SLC35E3: variants seen among roughly 807,000 people sequenced by gnomAD.
SLC35E3 encodes the protein solute carrier family 35 member E3.
A neutral mutation model predicts 30.8 loss-of-function variants in SLC35E3; 28 were observed. The ratio of observed to expected loss-of-function variants is 0.91; its 90% CI spans 0.67 to 1.25. The LOEUF is 1.25. Ranked by LOEUF, SLC35E3 falls within the 50% of genes most tolerant of loss-of-function variation. The pLI is 0.00. For missense variants in SLC35E3, 365 were observed against 375.4 expected, an observed-to-expected ratio of 0.97 and a Z score of 0.23; for synonymous variants, 146 against 149.2, an observed-to-expected ratio of 0.98 and a Z score of 0.16.
At position 68,766,100 on chromosome 12, in the gene SLC35E3, A is replaced by G. The variant is rs1030892760; in HGVS notation, c.*1210A>G. The G allele has an allele frequency of 1.3e-5, 2 of 152,138 alleles. No homozygotes were observed. The highest frequency in any genetic ancestry group is 2.4e-5 in the African/African-American group (1 of 41,426). 9.4% of individuals were successfully genotyped at this position (152,138 alleles called of 1,614,324 possible). On this transcript the variant is annotated 3_prime_UTR_variant, in exon 5 of 5. Transcript: ENST00000398004. The stretch of plus-strand genomic sequence containing the variant: ...TCTAAAAGTATGATTTTTTTCTAGT[A>G]GAAAATTGATGTAAGAAATCATACA...
At chr12:68,756,253 G>A (rs1314947886) in intron 3 of SLC35E3, among the ~76,000 whole-genome samples, 3 of 144,010 alleles carry the variant, frequency 2.1e-5, no homozygotes, top group Non-Finnish European at 3.0e-5. Flanking sequence ...GATTTTTTTC[G>A]TAGCCTTCTA....
chr12:68,755,365 T>C (rs1188530932), intron 3 of SLC35E3, among the ~76,000 whole-genome samples: 1 of 152,184 alleles, frequency 6.6e-6, no homozygotes, highest in Non-Finnish European at 1.5e-5. Context: ...ATCTTTTTTG[T>C]TGGTCGCATC....
intron 3 of SLC35E3, among the ~76,000 whole-genome samples, chr12:68,753,809 TAC>T (rs1229325376): frequency 3.4e-5 from 5 of 148,588 alleles, no homozygotes; most frequent in Admixed American, 2.0e-4. Context: ...TATATATCCA[TAC>T]ACACACACAC....
rs1440136827 is a variant in SLC35E3, at chr12:68,781,332, C to T, written c.*16442C>T. 1.3e-5 allele frequency: 2 copies of T among 152,180 alleles called. No homozygotes were observed. The highest frequency in any genetic ancestry group is 2.9e-5 in the Non-Finnish European group (2 of 68,036). The allele number at this position is 152,180 out of a possible 1,614,324, so 9.4% of individuals were successfully genotyped here. Reference sequence around the variant, plus strand: ...TCTCAAAAAGGGAAAAAACAAGATCCTTTGTTTGTATAAGTACAATCAGTT... The same window carrying T: ...TCTCAAAAAGGGAAAAAACAAGATCTTTTGTTTGTATAAGTACAATCAGTT... On this transcript the variant is annotated 3_prime_UTR_variant, in exon 5 of 5. Transcript: ENST00000398004.
Position 68,746,344 on chromosome 12 carries a change from T to A in SLC35E3, c.-34T>A. On this transcript the variant is annotated 5_prime_UTR_variant, in exon 1 of 5. Coordinates refer to ENST00000398004, the MANE Select transcript of SLC35E3 (RefSeq NM_018656.5). ...AGCCGGAGACAGGCCCGGCGCCCCT[T>A]CCGAGGCTAGACGGCCCCAGCTTCG... 3 of 1,531,478 alleles carry A rather than the reference T, an allele frequency of 2.0e-6. No individual in the cohort carries two copies. Among genetic ancestry groups the A allele is most frequent in the Non-Finnish European group, 2.6e-6 (3 of 1,142,564 alleles). 94.9% of individuals were successfully genotyped at this position (1,531,478 alleles called of 1,614,324 possible).
At chr12:68,747,382 G>A (rs1878630339) in intron 1 of SLC35E3, among the ~76,000 whole-genome samples, 1 of 151,446 alleles carries the variant, frequency 6.6e-6, no homozygotes, top group African/African-American at 2.4e-5. Context: ...CGATTCTCCT[G>A]CCTCAGCCTC....
At position 68,746,465 on chromosome 12, in the gene SLC35E3, T is replaced by A. The variant is rs150135844; in HGVS notation, c.88T>A (p.Phe30Ile). 1 of 1,614,212 alleles carries A rather than the reference T, an allele frequency of 6.2e-7. No individual in the cohort carries two copies. The highest frequency in any genetic ancestry group is 1.3e-5 in the African/African-American group (1 of 75,058). The stretch of plus-strand genomic sequence containing the variant: ...CCTGCTGGTGTCCATCTGCATTGTG[T>A]TCCTCAACAAATGGATTTATGTGTA... Reference protein sequence around the residue: ...FNLLVSICIVFLNKWIYVYHG... With the variant: ...FNLLVSICIVILNKWIYVYHG... Residue 30 changes from phenylalanine to isoleucine, a missense_variant, in exon 1 of 5, where the codon TTC (phenylalanine) becomes ATC (isoleucine). Transcript: ENST00000398004.
chr12:68,747,195 G>A (rs569905753), intron 1 of SLC35E3, among the ~76,000 whole-genome samples: 10 of 152,112 alleles, frequency 6.6e-5, no homozygotes, highest in Non-Finnish European at 1.3e-4. Flanking sequence ...ATACTTTAGA[G>A]CTGTCTGCAT....
At position 68,776,686 on chromosome 12, in the gene SLC35E3, A is replaced by G. The variant is rs1879754513; in HGVS notation, c.*11796A>G. ...GGATGACAGAATGAAACTGTGTCTCAAAAAGAAAAAAAAAAACAAAAACTA... is the reference window on the plus strand; with the variant it reads ...GGATGACAGAATGAAACTGTGTCTCGAAAAGAAAAAAAAAAACAAAAACTA... On this transcript the variant is annotated 3_prime_UTR_variant, in exon 5 of 5. Coordinates refer to ENST00000398004, the MANE Select transcript of SLC35E3 (RefSeq NM_018656.5). The G allele has an allele frequency of 7.5e-6, 1 of 134,130 alleles. No individual in the cohort carries two copies. The highest frequency in any genetic ancestry group is 8.8e-5 in the Admixed American group (1 of 11,422). 8.3% of individuals were successfully genotyped at this position (134,130 alleles called of 1,614,324 possible).
intron 4 of SLC35E3, among the ~76,000 whole-genome samples, chr12:68,763,839 G>A (rs1195009286): frequency 6.6e-6 from 1 of 152,192 alleles, no homozygotes; most frequent in South Asian, 2.1e-4. Context: ...ACCCATTCAT[G>A]TTTGGACTCC....
At chr12:68,750,069 G>T (rs759776761) in intron 2 of SLC35E3, among the ~76,000 whole-genome samples, 3 of 152,130 alleles carry the variant, frequency 2.0e-5, no homozygotes, top group Admixed American at 6.5e-5. Context: ...GGGCTAGGGC[G>T]GTGGGAATGG....
At chr12:68,752,500 A>G (rs1485944560) in intron 3 of SLC35E3, among the ~76,000 whole-genome samples, 2 of 152,218 alleles carry the variant, frequency 1.3e-5, no homozygotes, top group African/African-American at 4.8e-5. Flanking sequence ...GGACATTTAG[A>G]TTAAGTTAAA....
Position 68,748,051 on chromosome 12 carries a change from T to C in SLC35E3, c.513+11T>C, listed in dbSNP as rs748788234. Reference sequence around the variant, plus strand: ...TCCCTTTATCAAGTGGTTGGTAATTTTTTTTTCTTTATGTGCCTTTTTAGC... The same window carrying C: ...TCCCTTTATCAAGTGGTTGGTAATTCTTTTTTCTTTATGTGCCTTTTTAGC... On this transcript the variant is annotated intron_variant, in intron 2 of 4. Coordinates refer to ENST00000398004, the MANE Select transcript of SLC35E3 (RefSeq NM_018656.5). 95 of 1,504,140 alleles carry C rather than the reference T, an allele frequency of 6.3e-5. No homozygotes were observed. Among genetic ancestry groups the C allele is most frequent in the Non-Finnish European group, 8.5e-5 (93 of 1,087,952 alleles). 93.2% of individuals were successfully genotyped at this position (1,504,140 alleles called of 1,614,324 possible).
chr12:68,751,431 G>T lies in SLC35E3; in HGVS notation c.514-601G>T, dbSNP rs141215930. On this transcript the variant is annotated intron_variant, in intron 2 of 4. Coordinates refer to ENST00000398004, the MANE Select transcript of SLC35E3 (RefSeq NM_018656.5). Reference sequence around the variant, plus strand: ...TCCTGCTCAGCGTCCCGAGTAGCTGGGACCACAGGCGCCCGCCACCACGCC... The same window carrying T: ...TCCTGCTCAGCGTCCCGAGTAGCTGTGACCACAGGCGCCCGCCACCACGCC... Among the ~76,000 whole-genome samples, 1,122 of 152,032 alleles carry T rather than the reference G, an allele frequency of 7.4e-3. 5 individuals are homozygous for T. The highest frequency in any genetic ancestry group is 0.011 in the Non-Finnish European group (724 of 67,974).
At position 68,777,094 on chromosome 12, in the gene SLC35E3, C is replaced by G. The variant is rs1879766380; in HGVS notation, c.*12204C>G. The G allele has an allele frequency of 6.6e-6, 1 of 152,196 alleles. No homozygotes were observed. Among genetic ancestry groups the G allele is most frequent in the Non-Finnish European group, 1.5e-5 (1 of 68,054 alleles). 9.4% of individuals were successfully genotyped at this position (152,196 alleles called of 1,614,324 possible). A position where few individuals can be genotyped will look rare whatever the true frequency, so the allele number is the denominator to read the frequency against. On this transcript the variant is annotated 3_prime_UTR_variant, in exon 5 of 5. Coordinates refer to ENST00000398004, the MANE Select transcript of SLC35E3 (RefSeq NM_018656.5). ...ATGCTTAAGTCTTGGAACTGGCCAT[C>G]AGTGTGAAAGTTCAACAGGTATTCA...
intron 1 of SLC35E3, 69 bp downstream of exon 1, chr12:68,746,848 G>A: frequency 7.0e-7 from 1 of 1,437,380 alleles, no homozygotes; most frequent in Non-Finnish European, 9.4e-7. Context: ...CGGGAAATTC[G>A]AACGCACACT....
At chr12:68,746,815 C>A in intron 1 of SLC35E3, 36 bp downstream of exon 1, 3 of 1,533,172 alleles carry the variant, frequency 2.0e-6, no homozygotes, top group South Asian at 1.3e-5. Flanking sequence ...GCCGCTCTCC[C>A]GACCCACCTC....
In SLC35E3 at chr12:68,746,351, C is replaced by A; in HGVS notation, c.-27C>A. ...GACAGGCCCGGCGCCCCTTCCGAGGCTAGACGGCCCCAGCTTCGCGGGGAT... is the reference window on the plus strand; with the variant it reads ...GACAGGCCCGGCGCCCCTTCCGAGGATAGACGGCCCCAGCTTCGCGGGGAT... On this transcript the variant is annotated 5_prime_UTR_variant, in exon 1 of 5. Transcript: ENST00000398004. 1 of 1,538,980 alleles carries A rather than the reference C, an allele frequency of 6.5e-7. No homozygotes were observed. Among genetic ancestry groups the A allele is most frequent in the South Asian group, 1.3e-5 (1 of 78,802 alleles).
chr12:68,754,116 A>G (rs1450175909), intron 3 of SLC35E3, among the ~76,000 whole-genome samples: 4 of 152,052 alleles, frequency 2.6e-5, no homozygotes, highest in African/African-American at 9.7e-5. Flanking sequence ...AAGTGCTGGG[A>G]TTACAGTCAT....
Sources: gnomAD v4.1 joint callset for allele counts (sites outside exome capture counted in the v4.1 genomes callset) on GRCh38, gnomAD v4.1.1 for gene constraint, MANE v1.5 for transcripts, NCBI Gene and HGNC (gene_info 2026-07-23, HGNC 2026-07-21) for gene names.